Variants in AGTPBP1 observed in about 807,000 individuals in gnomAD.
AGTPBP1 encodes ATP/GTP binding carboxypeptidase 1, also known as cytosolic carboxypeptidase 1.
In AGTPBP1, 70 loss-of-function variants were observed where a neutral mutation model predicts 143.9. The observed-to-expected ratio is 0.49, with a 90% CI of 0.40 to 0.59. The LOEUF (loss-of-function observed/expected upper bound fraction) is 0.59. Among genes scored for constraint, AGTPBP1 ranks in the 20% least tolerant of loss-of-function variants. The probability of loss-of-function intolerance (pLI) is 0.00; values close to 1 mark genes in which losing one functional copy is unlikely to be tolerated. For missense variants in AGTPBP1, 1,229 were observed against 1,464.5 expected, an observed-to-expected ratio of 0.84 and a Z score of 2.62; for synonymous variants, 463 against 500.2, an observed-to-expected ratio of 0.93 and a Z score of 0.99.
At chr9:85,604,615 T>C (rs958420240) in intron 17 of AGTPBP1, among the ~76,000 whole-genome samples, 43 of 152,154 alleles carry the variant, frequency 2.8e-4, no homozygotes, top group African/African-American at 1.0e-3. Context: ...CAGGAAAACA[T>C]GACCTCACCA....
the AGTPBP1 span, among the ~76,000 whole-genome samples, chr9:85,797,990 T>G: frequency 6.6e-6 from 1 of 152,044 alleles, no homozygotes; most frequent in Admixed American, 6.5e-5. Context: ...CCTCTCAGGT[T>G]CAAGTGATTC....
intron 3 of AGTPBP1, among the ~76,000 whole-genome samples, chr9:85,688,392 T>G (rs1010897047): frequency 1.3e-5 from 2 of 152,014 alleles, no homozygotes; most frequent in African/African-American, 2.4e-5. Flanking sequence ...TCCAACAAAT[T>G]ACAGTAAGCC....
intron 25 of AGTPBP1, among the ~76,000 whole-genome samples, chr9:85,572,002 GTGTTTTTTT>G (rs1827504190): frequency 2.3e-4 from 20 of 85,306 alleles, no homozygotes; most frequent in South Asian, 7.0e-4. Flanking sequence ...TTGTTTGTGT[GTGTTTTTTT>G]TTTTTTTTTT....
At chr9:85,795,856 GTTTTTTTTTTT>G in the AGTPBP1 span, among the ~76,000 whole-genome samples, 10 of 70,704 alleles carry the variant, frequency 1.4e-4, no homozygotes, top group African/African-American at 3.8e-4. Flanking sequence ...CTTCTTCTTA[GTTTTTTTTTTT>G]TTTTTTTTTT....
At chr9:85,726,056 CAA>C (rs948203314) in intron 1 of AGTPBP1, among the ~76,000 whole-genome samples, 1,797 of 40,658 alleles carry the variant, frequency 0.044, 22 homozygotes, top group African/African-American at 0.15. Context: ...GACTCCATCT[CAA>C]AAAAAAAAAA....
chr9:85,759,990 C>T, the AGTPBP1 span, among the ~76,000 whole-genome samples: 2 of 151,962 alleles, frequency 1.3e-5, no homozygotes, highest in Non-Finnish European at 2.9e-5. Flanking sequence ...ACTATAAACA[C>T]CTCTACGCAA....
In AGTPBP1 at chr9:85,729,516, T is replaced by G. The variant is rs181590585; in HGVS notation, c.-34+12259A>C. ...TATGGGCAACAAAAACAAAAACAAA[T>G]GGGACTACTACGTCAAACTAAAAAG... On this transcript the variant is annotated intron_variant, in intron 1 of 25. Coordinates refer to ENST00000357081, the MANE Select transcript of AGTPBP1 (RefSeq NM_001330701.2). Among the ~76,000 whole-genome samples, 4 of 152,102 alleles carry G rather than the reference T, an allele frequency of 2.6e-5. No individual in the cohort carries two copies. In the East Asian group the frequency reaches 7.7e-4, roughly 29 times the overall value.
At chr9:85,568,467 G>A (rs1316731878) in intron 25 of AGTPBP1, among the ~76,000 whole-genome samples, 7 of 152,180 alleles carry the variant, frequency 4.6e-5, no homozygotes, top group Non-Finnish European at 1.0e-4. Context: ...AGTGAGAGTA[G>A]GACAAGCTCA....
chr9:85,733,821 A>C (rs1219308454), intron 1 of AGTPBP1, among the ~76,000 whole-genome samples: 1 of 149,438 alleles, frequency 6.7e-6, no homozygotes, highest in Non-Finnish European at 1.5e-5. Flanking sequence ...GAGTACTGTG[A>C]ACAACAGTAC....
chr9:85,733,215 G>T lies in AGTPBP1; in HGVS notation c.-34+8560C>A, dbSNP rs1049311359. Among the ~76,000 whole-genome samples the T allele has an allele frequency of 5.3e-5, 8 of 152,122 alleles. No individual in the cohort carries two copies. The South Asian group carries it at 8.3e-4, about 16-fold the overall frequency. On this transcript the variant is annotated intron_variant, in intron 1 of 25. Coordinates refer to ENST00000357081, the MANE Select transcript of AGTPBP1 (RefSeq NM_001330701.2). ...GCACACAGAACATTCTCCAAAACAG[G>T]CCACATATTAGGATACAAATTAAGT...
At chr9:85,591,546 AG>A (rs1350539387) in intron 19 of AGTPBP1, among the ~76,000 whole-genome samples, 11 of 152,190 alleles carry the variant, frequency 7.2e-5, no homozygotes, top group African/African-American at 2.7e-4. Context: ...ACATAAAACC[AG>A]GCAAATAAAA....
At chr9:85,773,509 A>G in the AGTPBP1 span, among the ~76,000 whole-genome samples, 1 of 150,610 alleles carries the variant, frequency 6.6e-6, no homozygotes, top group Admixed American at 6.6e-5. Context: ...AATTTTATAT[A>G]TATTTTTTAG....
At chr9:85,739,028 G>A (rs974630783) in intron 1 of AGTPBP1, among the ~76,000 whole-genome samples, 1 of 152,082 alleles carries the variant, frequency 6.6e-6, no homozygotes, top group African/African-American at 2.4e-5. Flanking sequence ...CTAATATTAT[G>A]TCATTTTTGG....
At chr9:85,751,849 A>G in the AGTPBP1 span, among the ~76,000 whole-genome samples, 7 of 151,052 alleles carry the variant, frequency 4.6e-5, no homozygotes, top group Non-Finnish European at 8.9e-5. Context: ...TCAGGTGATC[A>G]GCCTGCCTCG....
intron 19 of AGTPBP1, 99 bp from the exon 20 acceptor site, chr9:85,589,780 C>CA (rs1828843381): frequency 1.6e-6 from 2 of 1,212,390 alleles, no homozygotes; most frequent in African/African-American, 1.5e-5. Context: ...AGAAGTGAAT[C>CA]AGATTCTTAA....
intron 14 of AGTPBP1, among the ~76,000 whole-genome samples, chr9:85,625,003 G>C (rs1358890797): frequency 2.6e-5 from 4 of 152,236 alleles, no homozygotes; most frequent in African/African-American, 7.2e-5. Flanking sequence ...TTCATAAAAA[G>C]GTTACACCAT....
chr9:85,649,881 C>T (rs924688968), intron 11 of AGTPBP1, among the ~76,000 whole-genome samples: 16 of 152,020 alleles, frequency 1.1e-4, no homozygotes, highest in African/African-American at 3.6e-4. Context: ...ATCATCTTTA[C>T]TTGGTCAAGG....
the AGTPBP1 span, among the ~76,000 whole-genome samples, chr9:85,795,741 T>C: frequency 1.3e-5 from 2 of 152,080 alleles, no homozygotes; most frequent in Non-Finnish European, 2.9e-5. Context: ...ACTAATTCGT[T>C]TAGGATAATT....
At chr9:85,757,835 TC>T in the AGTPBP1 span, among the ~76,000 whole-genome samples, 1 of 152,184 alleles carries the variant, frequency 6.6e-6, no homozygotes, top group Non-Finnish European at 1.5e-5. Flanking sequence ...AACTATTTTT[TC>T]TCACTCTGGG....
Sources: gnomAD v4.1 joint callset for allele counts (sites outside exome capture counted in the v4.1 genomes callset) on GRCh38, gnomAD v4.1.1 for gene constraint, MANE v1.5 for transcripts, NCBI Gene and HGNC (gene_info 2026-07-23, HGNC 2026-07-21) for gene names.